TUBB1: variants seen among roughly 807,000 people sequenced by gnomAD.
The protein encoded by TUBB1 is tubulin beta-1 chain.
A neutral mutation model predicts 22.6 loss-of-function variants in TUBB1; 28 were observed. That is an observed-to-expected ratio of 1.24 (90% CI 0.92 to 1.70). TUBB1 has a LOEUF of 1.70. TUBB1 is among the 40% of genes most tolerant of loss of function. The pLI is 0.00. For missense variants in TUBB1, 577 were observed against 605.5 expected (o/e 0.95, Z 0.49); for synonymous variants, 226 against 238.0 (o/e 0.95, Z 0.46).
chr20:59,023,634 G>T (rs369381604), intron 3 of TUBB1, 34 bp downstream of exon 3: 16 of 1,613,204 alleles, frequency 9.9e-6, no homozygotes, highest in African/African-American at 5.3e-5. Flanking sequence ...CCAGGAGGAG[G>T]GGGGGATGCT....
Position 59,023,070 on chromosome 20 carries a change from G to T in TUBB1, c.166+117G>T, listed in dbSNP as rs535436359. ...CAGTGATGTCTATGCTCAGGGAGGC[G>T]ACAGGCAGGGCAGCAGGATCCTAGA... is the stretch of plus-strand genomic sequence containing the variant. On this transcript the variant is annotated intron_variant, in intron 2 of 3. Coordinates refer to ENST00000217133, the MANE Select transcript of TUBB1 (RefSeq NM_030773.4). 9.2e-6 allele frequency: 9 copies of T among 976,710 alleles called. No individual in the cohort carries two copies. The African/African-American group carries it at 1.3e-4, about 14-fold the overall frequency. 60.5% of individuals were successfully genotyped at this position (976,710 alleles called of 1,614,324 possible).
chr20:59,025,613 T>C lies in TUBB1; in HGVS notation c.*830T>C, dbSNP rs996779842. ...TTTCCTTTTAAAGGCTATTTTGAAA[T>C]GGTCTTTTCACTTTCATTCAGTCAT... On this transcript the variant is annotated 3_prime_UTR_variant, in exon 4 of 4. Coordinates refer to ENST00000217133, the MANE Select transcript of TUBB1 (RefSeq NM_030773.4). The C allele has an allele frequency of 2.0e-5, 3 of 152,244 alleles. No homozygotes were observed. The highest frequency in any genetic ancestry group is 7.2e-5 in the African/African-American group (3 of 41,474). 9.4% of individuals were successfully genotyped at this position (152,244 alleles called of 1,614,324 possible). A position where few individuals can be genotyped will look rare whatever the true frequency, so the allele number is the denominator to read the frequency against.
At chr20:59,017,036 C>T (rs545815138), upstream of TUBB1, among the ~76,000 whole-genome samples, 1 of 152,316 alleles carries the variant, frequency 6.6e-6, no homozygotes, top group Admixed American at 6.5e-5. Context: ...GCTGAACTGC[C>T]CTCTCTCCGT....
intron 1 of TUBB1, 53 bp downstream of exon 1, chr20:59,019,632 A>G (rs1601235864): frequency 6.3e-7 from 1 of 1,584,186 alleles, no homozygotes; most frequent in East Asian, 2.2e-5. Flanking sequence ...ATAGAGGCGG[A>G]CAACCAAAAA....
upstream of TUBB1, among the ~76,000 whole-genome samples, chr20:59,017,628 A>G (rs2091950118): frequency 6.6e-6 from 1 of 152,220 alleles, no homozygotes; most frequent in African/African-American, 2.4e-5. Flanking sequence ...GGGCACAGGA[A>G]GCACAGGCCC....
Position 59,025,145 on chromosome 20 carries a change from C to G in TUBB1, c.*362C>G. 1 of 346,468 alleles carries G rather than the reference C, an allele frequency of 2.9e-6. No individual in the cohort carries two copies. Among genetic ancestry groups the G allele is most frequent in the East Asian group, 7.2e-5 (1 of 13,848 alleles). The allele number at this position is 346,468 out of a possible 1,614,324, so 21.5% of individuals were successfully genotyped here. A position where few individuals can be genotyped will look rare whatever the true frequency, so the allele number is the denominator to read the frequency against. On this transcript the variant is annotated 3_prime_UTR_variant, in exon 4 of 4. Transcript: ENST00000217133. ...TTGGTGTTACATTTTTATACTTTAG[C>G]AGCACTGATAGGCACCCTGGAATCC...
chr20:59,023,117 G>C (rs978529377), intron 2 of TUBB1, among the ~76,000 whole-genome samples, 164 bp downstream of exon 2: 1 of 152,140 alleles, frequency 6.6e-6, no homozygotes, highest in African/African-American at 2.4e-5. Context: ...CCAAGCCCTG[G>C]TCAAGACGCA....
At chr20:59,019,140 T>C (rs968713764), upstream of TUBB1, 11 of 300,110 alleles carry the variant, frequency 3.7e-5, no homozygotes, top group African/African-American at 6.5e-5. Flanking sequence ...ACAGTCATCA[T>C]ACCACGGTCA....
Position 59,025,642 on chromosome 20 carries a change from C to A in TUBB1, c.*859C>A, listed in dbSNP as rs996962816. 1 of 152,144 alleles carries A rather than the reference C, an allele frequency of 6.6e-6. No individual in the cohort carries two copies. The highest frequency in any genetic ancestry group is 2.4e-5 in the African/African-American group (1 of 41,420). The allele number at this position is 152,144 out of a possible 1,614,324, so 9.4% of individuals were successfully genotyped here. Reference sequence around the variant, plus strand: ...CTTTTCACTTTCATTCAGTCATCACCCCCCAAAATGCTCTGCAGCCTCTCT... The same window carrying A: ...CTTTTCACTTTCATTCAGTCATCACACCCCAAAATGCTCTGCAGCCTCTCT... On this transcript the variant is annotated 3_prime_UTR_variant, in exon 4 of 4. Transcript: ENST00000217133.
At chr20:59,022,596 G>C (rs2091972653) in intron 1 of TUBB1, among the ~76,000 whole-genome samples, 3 of 152,156 alleles carry the variant, frequency 2.0e-5, no homozygotes, top group African/African-American at 7.2e-5. Context: ...ATCCAATTTA[G>C]TACTTTGTGT....
upstream of TUBB1, among the ~76,000 whole-genome samples, chr20:59,017,544 T>C (rs1285795256): frequency 6.6e-6 from 1 of 152,232 alleles, no homozygotes. Flanking sequence ...CCTGATTGTG[T>C]TCCTGACCTC....
chr20:59,024,411 G>A lies in TUBB1; in HGVS notation c.984G>A (p.Gln328=), dbSNP rs764465342. The A allele has an allele frequency of 1.9e-6, 3 of 1,614,210 alleles. No individual in the cohort carries two copies. The highest frequency in any genetic ancestry group is 1.3e-5 in the African/African-American group (1 of 75,074). ...AGATGTCCACCAAGGAAGTGGACCA[G>A]CAACTGCTCTCCGTGCAGACCAGGA... ...RGKMSTKEVD[Q]QLLSVQTRNS... Residue 328 remains glutamine (Q), a synonymous_variant, in exon 4 of 4, where the codon CAG becomes CAA. Coordinates refer to ENST00000217133, the MANE Select transcript of TUBB1 (RefSeq NM_030773.4). This position sits in a 1 kb window ranked among gnomAD's most constrained non-coding sequence, Gnocchi z 4.9.
At chr20:59,019,626 A>C (rs2091959111) in intron 1 of TUBB1, 47 bp downstream of exon 1, 5 of 1,604,534 alleles carry the variant, frequency 3.1e-6, no homozygotes, top group Non-Finnish European at 4.3e-6. Flanking sequence ...CAGTCCATAG[A>C]GGCGGACAAC....
rs1484219553 is a variant in TUBB1, at chr20:59,024,125, T to G, written c.698T>G (p.Met233Arg). 1 of 1,614,122 alleles carries G rather than the reference T, an allele frequency of 6.2e-7. No homozygotes were observed. The highest frequency in any genetic ancestry group is 1.7e-5 in the Admixed American group (1 of 60,014). Residue 233 changes from methionine to arginine, a missense_variant, in exon 4 of 4, where the codon ATG becomes AGG. Physicochemically the swap from Met to Arg is moderately conservative, Grantham distance 91. Transcript: ENST00000217133. The surrounding 1 kb of genome is among the most constrained non-coding windows in gnomAD (Gnocchi z 4.9). ...GDLNHLVSLT[M>R]SGITTSLRFP... ...CTCAACCACCTAGTGTCCTTGACCA[T>G]GAGCGGCATAACCACCTCCCTCCGG...
chr20:59,024,381 G>T lies in TUBB1; in HGVS notation c.954G>T (p.Arg318=). 6.2e-7 allele frequency: 1 copy of T among 1,614,122 alleles called. No homozygotes were observed. The highest frequency in any genetic ancestry group is 1.3e-5 in the African/African-American group (1 of 75,032). The change falls in exon 4 of 4, where the codon CGG becomes CGT. Residue 318 remains arginine (R), a synonymous_variant. Coordinates refer to ENST00000217133, the MANE Select transcript of TUBB1 (RefSeq NM_030773.4). This position sits in a 1 kb window ranked among gnomAD's most constrained non-coding sequence, Gnocchi z 4.9. ...ACCTCACAGTGGCCTGCATTTTCCG[G>T]GGCAAGATGTCCACCAAGGAAGTGG... is the stretch of plus-strand genomic sequence containing the variant. ...GRYLTVACIF[R]GKMSTKEVDQ...
upstream of TUBB1, among the ~76,000 whole-genome samples, chr20:59,017,626 G>A (rs2091950104): frequency 6.6e-6 from 1 of 152,350 alleles, no homozygotes; most frequent in South Asian, 2.1e-4. Flanking sequence ...TGGGGCACAG[G>A]AAGCACAGGC....
chr20:59,021,059 G>A (rs756574928), intron 1 of TUBB1, among the ~76,000 whole-genome samples: 18 of 152,206 alleles, frequency 1.2e-4, no homozygotes, highest in African/African-American at 1.9e-4. Context: ...AAATGCAGGC[G>A]TTTTAAACCG....
chr20:59,022,041 AAAAAAG>A (rs1380478773), intron 1 of TUBB1, among the ~76,000 whole-genome samples: 2 of 152,162 alleles, frequency 1.3e-5, no homozygotes, highest in Non-Finnish European at 2.9e-5. Flanking sequence ...AAAAAAATAA[AAAAAAG>A]AAAGAAAGGC....
intron 1 of TUBB1, among the ~76,000 whole-genome samples, chr20:59,020,932 G>C (rs1419033263): frequency 6.6e-6 from 1 of 152,188 alleles, no homozygotes; most frequent in Non-Finnish European, 1.5e-5. Context: ...ACTAATATGA[G>C]ATGCATTAAA....
Sources: allele counts gnomAD v4.1 joint callset (sites outside exome capture counted in the v4.1 genomes callset), GRCh38; gene constraint gnomAD v4.1.1; non-coding constraint Gnocchi (gnomAD v3.1); transcripts MANE v1.5; gene names NCBI Gene and HGNC (gene_info 2026-07-23, HGNC 2026-07-21).